ITGA2: variants seen among roughly 807,000 people sequenced by gnomAD.
ITGA2 encodes the protein integrin alpha-2.
A neutral mutation model predicts 146.3 loss-of-function variants in ITGA2; 101 were observed. That is an observed-to-expected ratio of 0.69 (90% confidence interval 0.59 to 0.81). The LOEUF (loss-of-function observed/expected upper bound fraction) is 0.81. Ranked by LOEUF, ITGA2 falls within the 40% of genes least tolerant of loss-of-function variation. The pLI, the probability that ITGA2 is intolerant of heterozygous loss-of-function variation, is 0.00. For missense variants in ITGA2, 1,281 were observed against 1,402.7 expected (o/e 0.91, Z 1.39); for synonymous variants, 477 against 487.1 (o/e 0.98, Z 0.27).
chr5:53,020,842 C>T (rs756449806), intron 1 of ITGA2, among the ~76,000 whole-genome samples: 4 of 150,242 alleles, frequency 2.7e-5, no homozygotes, highest in Non-Finnish European at 4.4e-5. Flanking sequence ...CCACCATGTC[C>T]GGCTAATTTT....
intron 10 of ITGA2, 103 bp downstream of exon 10, chr5:53,058,204 GC>G: frequency 1.2e-6 from 1 of 850,462 alleles, no homozygotes; most frequent in Non-Finnish European, 2.0e-6. Context: ...CTAGGGATCA[GC>G]CCTTCTGATT....
rs1470362528 is a variant in ITGA2, at chr5:53,093,822, AATAGTAAG to A, written c.*3231_*3238del. 6.6e-6 allele frequency: 1 copy of A among 152,650 alleles called. No individual in the cohort carries two copies. Among genetic ancestry groups the A allele is most frequent in the Non-Finnish European group, 1.5e-5 (1 of 68,038 alleles). 9.5% of individuals were successfully genotyped at this position (152,650 alleles called of 1,614,324 possible). On this transcript the variant is annotated 3_prime_UTR_variant, in exon 30 of 30. Transcript: ENST00000296585. ...CTTGACTGCAACACAAGGCTTATAAAATAGTAAGATAGTAAAATAGCTTATGAAGAAAC... is the reference window on the plus strand; with the variant it reads ...CTTGACTGCAACACAAGGCTTATAAAATAGTAAAATAGCTTATGAAGAAAC...
At chr5:53,066,029 A>G in intron 15 of ITGA2, 52 bp downstream of exon 15, 1 of 1,538,728 alleles carries the variant, frequency 6.5e-7, no homozygotes, top group Non-Finnish European at 9.0e-7. Context: ...CTGCTAAGAA[A>G]GCAGAACAGA....
chr5:53,059,984 G>T lies in ITGA2; in HGVS notation c.1284G>T (p.Leu428=). Residue 428 remains leucine, a synonymous_variant, in exon 11 of 30, where the codon CTG becomes CTT. Coordinates refer to ENST00000296585, the MANE Select transcript of ITGA2 (RefSeq NM_002203.4). ...CTAAACAAGCCTTTGACCAAATTCT[G>T]CAGGACAGAAATCACAGTTCATATT... ...IFPKQAFDQI[L]QDRNHSSYLG... 1 of 1,612,232 alleles carries T rather than the reference G, an allele frequency of 6.2e-7. No homozygotes were observed. The highest frequency in any genetic ancestry group is 8.5e-7 in the Non-Finnish European group (1 of 1,178,888).
chr5:52,999,198 A>C (rs1741448009), intron 1 of ITGA2, among the ~76,000 whole-genome samples: 1 of 152,252 alleles, frequency 6.6e-6, no homozygotes, highest in Non-Finnish European at 1.5e-5. Flanking sequence ...CACCGAATAC[A>C]TTCTTTAAGA....
chr5:53,044,760 A>T (rs1252629942), intron 3 of ITGA2, among the ~76,000 whole-genome samples: 1 of 152,188 alleles, frequency 6.6e-6, no homozygotes. Context: ...TCTATAAGTC[A>T]TACCCTCTCC....
At chr5:53,031,613 T>C (rs1743226739) in intron 2 of ITGA2, among the ~76,000 whole-genome samples, 1 of 152,258 alleles carries the variant, frequency 6.6e-6, no homozygotes, top group South Asian at 2.1e-4. Flanking sequence ...GCTAGTTTCA[T>C]TTATGAGACT....
Position 53,048,731 on chromosome 5 carries a change from A to G in ITGA2, c.591A>G (p.Lys197=). The change falls in exon 6 of 30, where the codon AAA becomes AAG. Residue 197 remains lysine, a synonymous_variant. Transcript: ENST00000296585. Reference sequence around the variant, plus strand: ...ATGCAGTAAAGAATTTTTTGGAAAAATTTGTACAAGGCCTGGATATAGGCC... The same window carrying G: ...ATGCAGTAAAGAATTTTTTGGAAAAGTTTGTACAAGGCCTGGATATAGGCC... The part of the protein sequence containing the change: ...PWDAVKNFLE[K]FVQGLDIGPT... The G allele has an allele frequency of 6.2e-7, 1 of 1,614,008 alleles. No individual in the cohort carries two copies. The highest frequency in any genetic ancestry group is 8.5e-7 in the Non-Finnish European group (1 of 1,179,932).
At position 53,069,555 on chromosome 5, in the gene ITGA2, A is replaced by C. The variant is rs144192538; in HGVS notation, c.2084-554A>C. Reference sequence around the variant, plus strand: ...CTTACAACTGGATGGAAGCAGAAAGAATATGAGCTCTTATTTCAAAAATAC... The same window carrying C: ...CTTACAACTGGATGGAAGCAGAAAGCATATGAGCTCTTATTTCAAAAATAC... On this transcript the variant is annotated intron_variant, in intron 16 of 29. Transcript: ENST00000296585. 1.6e-3 allele frequency among the ~76,000 whole-genome samples: 236 copies of C among 152,044 alleles called. 1 individual carries two copies. The South Asian group carries it at 0.027, about 18-fold the overall frequency.
At chr5:53,048,279 A>T (rs2111911385) in intron 4 of ITGA2, 84 bp from the exon 5 acceptor site, 1 of 979,952 alleles carries the variant, frequency 1.0e-6, no homozygotes, top group South Asian at 1.3e-5. Flanking sequence ...AAGAGTAGAG[A>T]TGATTTCTGA....
intron 1 of ITGA2, among the ~76,000 whole-genome samples, chr5:53,001,565 A>G (rs1473993609): frequency 6.6e-6 from 1 of 152,194 alleles, no homozygotes; most frequent in African/African-American, 2.4e-5. Context: ...CTAGCAAGAC[A>G]AAAAGTGATT....
At chr5:52,991,104 G>GT (rs1740931958) in intron 1 of ITGA2, among the ~76,000 whole-genome samples, 1 of 152,168 alleles carries the variant, frequency 6.6e-6, no homozygotes. Flanking sequence ...TTAACCTGGA[G>GT]TTAATAAGGA....
intron 1 of ITGA2, among the ~76,000 whole-genome samples, chr5:52,997,295 T>G (rs1412804661): frequency 2.0e-5 from 3 of 152,196 alleles, no homozygotes; most frequent in African/African-American, 7.2e-5. Context: ...CATTATTATC[T>G]TGTTCTGAAA....
In ITGA2 at chr5:53,090,073, C is replaced by T; in HGVS notation, c.3465+11C>T. 6.6e-7 allele frequency: 1 copy of T among 1,516,626 alleles called. No homozygotes were observed. Among genetic ancestry groups the T allele is most frequent in the Non-Finnish European group, 9.2e-7 (1 of 1,091,528 alleles). 93.9% of individuals were successfully genotyped at this position (1,516,626 alleles called of 1,614,324 possible). A position where few individuals can be genotyped will look rare whatever the true frequency, so the allele number is the denominator to read the frequency against. The stretch of plus-strand genomic sequence containing the variant: ...GCAATTTTATGGAAGGTAAGAAAAG[C>T]TTTATATTTTAAAATACAGGGCTCC... On this transcript the variant is annotated intron_variant, in intron 29 of 29. Transcript: ENST00000296585.
At chr5:53,016,086 C>T (rs553158770) in intron 1 of ITGA2, among the ~76,000 whole-genome samples, 1 of 152,276 alleles carries the variant, frequency 6.6e-6, no homozygotes, top group East Asian at 1.9e-4. Flanking sequence ...GCCATTTATA[C>T]TCAAGGTTAA....
rs1429933246 is a variant in ITGA2 at position 53,017,859 on chromosome 5, G to A, written c.65-8889G>A. ...AGCAGTGTTGGGGGGATGTGGAGGG[G>A]TGTGAGGCATGGGTAAGCGCATGCT... On this transcript the variant is annotated intron_variant, in intron 1 of 29. Transcript: ENST00000296585. Among the ~76,000 whole-genome samples the A allele has an allele frequency of 3.3e-5, 5 of 152,146 alleles. No homozygotes were observed. The South Asian group carries it at 1.0e-3, about 32-fold the overall frequency.
chr5:52,990,762 A>G (rs1173753587), intron 1 of ITGA2, among the ~76,000 whole-genome samples: 1 of 152,058 alleles, frequency 6.6e-6, no homozygotes, highest in Non-Finnish European at 1.5e-5. Flanking sequence ...GAGAATGGGC[A>G]TCTTAGGTTT....
At chr5:53,083,479 T>C in intron 27 of ITGA2, 26 bp downstream of exon 27, 1 of 1,306,352 alleles carries the variant, frequency 7.7e-7, no homozygotes. Context: ...ATTTGTTAGA[T>C]TTATCAATAG....
intron 10 of ITGA2, among the ~76,000 whole-genome samples, chr5:53,058,746 G>A (rs889478539): frequency 2.6e-5 from 4 of 151,732 alleles, no homozygotes; most frequent in Admixed American, 6.6e-5. Flanking sequence ...GGATTTGATC[G>A]GCAGGTCAGA....
Sources: allele counts gnomAD v4.1 joint callset (sites outside exome capture counted in the v4.1 genomes callset), GRCh38; gene constraint gnomAD v4.1.1; transcripts MANE v1.5; gene names NCBI Gene and HGNC (gene_info 2026-07-23, HGNC 2026-07-21).